CCDC192: variants seen among roughly 807,000 people sequenced by gnomAD.
The protein encoded by CCDC192 is coiled-coil domain-containing protein 192.
At chr5:127,781,963 G>A (rs115799730) in intron 3 of CCDC192, among the ~76,000 whole-genome samples, 2,006 of 152,156 alleles carry the variant, frequency 0.013, 19 homozygotes, top group African/African-American at 0.027. Context: ...GTATTATGTT[G>A]GCTGTGGGTT....
At chr5:127,923,970 TC>T (rs942944767) in intron 6 of CCDC192, among the ~76,000 whole-genome samples, 1 of 152,176 alleles carries the variant, frequency 6.6e-6, no homozygotes, top group African/African-American at 2.4e-5. Flanking sequence ...ACCCTGGAAT[TC>T]CCCCAGGTTT....
intron 6 of CCDC192, among the ~76,000 whole-genome samples, chr5:127,904,858 T>C (rs1753154525): frequency 6.6e-6 from 1 of 152,070 alleles, no homozygotes. Flanking sequence ...TTTCCCAGTC[T>C]CTGTGTAGTT....
intron 2 of CCDC192, among the ~76,000 whole-genome samples, chr5:127,708,700 A>G (rs1451048182): frequency 6.6e-6 from 1 of 152,218 alleles, no homozygotes; most frequent in South Asian, 2.1e-4. Context: ...AATGGACTTA[A>G]CTAGTGCACT....
chr5:127,723,325 A>G (rs977432122), intron 2 of CCDC192, among the ~76,000 whole-genome samples: 3 of 150,616 alleles, frequency 2.0e-5, no homozygotes, highest in African/African-American at 7.3e-5. Flanking sequence ...CAACTTTACT[A>G]AATTTGTTTG....
At chr5:127,789,058 A>G (rs187143332) in intron 3 of CCDC192, among the ~76,000 whole-genome samples, 3 of 152,324 alleles carry the variant, frequency 2.0e-5, no homozygotes, top group East Asian at 3.9e-4. Context: ...ATTTTTTGTC[A>G]CTTTGGCCTT....
chr5:127,739,372 GCTGT>G (rs1345577352), intron 2 of CCDC192, among the ~76,000 whole-genome samples: 1 of 152,140 alleles, frequency 6.6e-6, no homozygotes, highest in Non-Finnish European at 1.5e-5. Context: ...AGAGGTTACT[GCTGT>G]CTTTTTGTTT....
At chr5:127,866,005 A>G (rs573001548) in intron 5 of CCDC192, among the ~76,000 whole-genome samples, 1 of 152,144 alleles carries the variant, frequency 6.6e-6, no homozygotes, top group South Asian at 2.1e-4. Flanking sequence ...CAGATAACTG[A>G]GAAGAGGAAA....
chr5:127,907,051 T>TC (rs769330528), intron 6 of CCDC192, among the ~76,000 whole-genome samples: 22 of 152,300 alleles, frequency 1.4e-4, no homozygotes, highest in East Asian at 5.8e-4. Flanking sequence ...GGGTTTTTTT[T>TC]CACGATAGCC....
intron 2 of CCDC192, among the ~76,000 whole-genome samples, chr5:127,747,373 T>A (rs1230786067): frequency 6.6e-6 from 1 of 152,082 alleles, no homozygotes; most frequent in East Asian, 1.9e-4. Context: ...TTTTTGTCCT[T>A]GTGATAGTTT....
At chr5:127,714,839 A>G (rs904410104) in intron 2 of CCDC192, among the ~76,000 whole-genome samples, 5 of 152,136 alleles carry the variant, frequency 3.3e-5, no homozygotes, top group African/African-American at 1.2e-4. Flanking sequence ...GGGTGAGATG[A>G]TATCTTATTG....
At chr5:127,723,304 T>G (rs1752130287) in intron 2 of CCDC192, among the ~76,000 whole-genome samples, 1 of 152,020 alleles carries the variant, frequency 6.6e-6, no homozygotes, top group Admixed American at 6.6e-5. Context: ...GTATGTTGAT[T>G]TTGTATTCTA....
At chr5:127,874,092 G>T (rs1032935450) in intron 5 of CCDC192, among the ~76,000 whole-genome samples, 2 of 152,118 alleles carry the variant, frequency 1.3e-5, no homozygotes, top group Non-Finnish European at 2.9e-5. Flanking sequence ...GGCCAGCATC[G>T]TGTCTGACAC....
At chr5:127,721,896 C>T (rs1319825026) in intron 2 of CCDC192, among the ~76,000 whole-genome samples, 1 of 152,104 alleles carries the variant, frequency 6.6e-6, no homozygotes. Flanking sequence ...CTCATGAGAG[C>T]TCACTCATTA....
chr5:127,803,374 G>A (rs897168822), intron 5 of CCDC192, among the ~76,000 whole-genome samples: 3 of 152,054 alleles, frequency 2.0e-5, no homozygotes, highest in African/African-American at 7.2e-5. Flanking sequence ...AGCCATCACC[G>A]GGCTAAGCTG....
At chr5:127,753,752 TCATATTAGC>T (rs539685554) in intron 2 of CCDC192, among the ~76,000 whole-genome samples, 7 of 151,334 alleles carry the variant, frequency 4.6e-5, no homozygotes, top group Non-Finnish European at 1.0e-4. Flanking sequence ...CTAATTTAAG[TCATATTAGC>T]CAGGCTCTGG....
intron 3 of CCDC192, among the ~76,000 whole-genome samples, chr5:127,777,075 ATC>A (rs1291246699): frequency 6.6e-6 from 1 of 152,104 alleles, no homozygotes; most frequent in African/African-American, 2.4e-5. Context: ...TGTCCTCCAG[ATC>A]CCTGAGTGGT....
intron 3 of CCDC192, among the ~76,000 whole-genome samples, chr5:127,756,596 A>G (rs1754613476): frequency 1.3e-5 from 2 of 152,244 alleles, no homozygotes; most frequent in South Asian, 4.1e-4. Context: ...TAAGCTTTAC[A>G]ATAGTGATGT....
At chr5:127,893,572 G>A (rs1021989431) in intron 6 of CCDC192, among the ~76,000 whole-genome samples, 1 of 152,140 alleles carries the variant, frequency 6.6e-6, no homozygotes, top group Admixed American at 6.6e-5. Flanking sequence ...TAAACACGTA[G>A]GCTTTTGATA....
intron 5 of CCDC192, among the ~76,000 whole-genome samples, chr5:127,850,077 C>T (rs982741106): frequency 6.6e-6 from 1 of 152,144 alleles, no homozygotes; most frequent in Non-Finnish European, 1.5e-5. Context: ...AAATAAAGGC[C>T]GTAGGGATTA....
Sources: allele counts gnomAD v4.1 joint callset (sites outside exome capture counted in the v4.1 genomes callset), GRCh38; gene constraint gnomAD v4.1.1; transcripts MANE v1.5; gene names NCBI Gene and HGNC (gene_info 2026-07-23, HGNC 2026-07-21).